The following PIAS1 variants were observed in gnomAD, a reference collection of about 807,000 sequenced individuals.
PIAS1 encodes the protein E3 SUMO-protein ligase PIAS1.
In PIAS1, 6 loss-of-function variants were observed where a neutral mutation model predicts 71.3. The observed-to-expected ratio is 0.08, with a 90% CI of 0.05 to 0.17. PIAS1 has a LOEUF of 0.17. Ranked by LOEUF, PIAS1 falls within the 10% of genes least tolerant of loss-of-function variation. The pLI, the probability that PIAS1 is intolerant of heterozygous loss-of-function variation, is 1.00. For synonymous variants in PIAS1, 303 were observed against 292.9 expected (o/e 1.03, Z -0.35); for missense variants, 555 against 793.6 (o/e 0.70, Z 3.61).
chr15:68,077,976 G>T (rs2140973352), intron 1 of PIAS1, among the ~76,000 whole-genome samples: 1 of 152,152 alleles, frequency 6.6e-6, no homozygotes, highest in South Asian at 2.1e-4. Flanking sequence ...CTTCTTTTAG[G>T]CTTTTCAGCT....
At chr15:68,077,248 A>G (rs2092176536) in intron 1 of PIAS1, among the ~76,000 whole-genome samples, 1 of 152,220 alleles carries the variant, frequency 6.6e-6, no homozygotes, top group Non-Finnish European at 1.5e-5. Context: ...TTGTTAGGTT[A>G]TATTGGTAAA....
At chr15:68,096,177 CT>C (rs2140992706) in intron 2 of PIAS1, among the ~76,000 whole-genome samples, 1 of 152,254 alleles carries the variant, frequency 6.6e-6, no homozygotes, top group East Asian at 1.9e-4. Flanking sequence ...TGAATAAAAA[CT>C]GAAGACTGTC....
intron 1 of PIAS1, among the ~76,000 whole-genome samples, chr15:68,075,889 A>T (rs542708247): frequency 6.7e-6 from 1 of 150,072 alleles, no homozygotes; most frequent in African/African-American, 2.5e-5. Context: ...TTCAAGTGCT[A>T]TTCCTGCCTC....
At chr15:68,128,502 G>A (rs1022388267) in intron 2 of PIAS1, among the ~76,000 whole-genome samples, 3 of 152,204 alleles carry the variant, frequency 2.0e-5, no homozygotes, top group Non-Finnish European at 2.9e-5. Context: ...TAGTGGGATT[G>A]GTTGTTGGCT....
intron 2 of PIAS1, among the ~76,000 whole-genome samples, chr15:68,103,186 C>G (rs2092442103): frequency 6.6e-6 from 1 of 152,132 alleles, no homozygotes; most frequent in African/African-American, 2.4e-5. Context: ...CTCGCCCACC[C>G]AAAGAGCTAG....
At chr15:68,096,570 T>C (rs1257440621) in intron 2 of PIAS1, among the ~76,000 whole-genome samples, 1 of 152,132 alleles carries the variant, frequency 6.6e-6, no homozygotes, top group East Asian at 1.9e-4. Context: ...CATTATCCTT[T>C]TTTTTATATT....
intron 2 of PIAS1, among the ~76,000 whole-genome samples, chr15:68,088,996 C>A (rs1172999207): frequency 6.6e-6 from 1 of 152,186 alleles, no homozygotes; most frequent in South Asian, 2.1e-4. Flanking sequence ...GTTTCGAACA[C>A]CAGCTGGCTA....
rs527678638 is a variant in PIAS1 at position 68,085,807 on chromosome 15, A to G, written c.25-499A>G. 2.6e-5 allele frequency among the ~76,000 whole-genome samples: 4 copies of G among 152,370 alleles called. No homozygotes were observed. In the South Asian group the frequency reaches 8.3e-4, roughly 32 times the overall value. ...AGTCTACAAATTCCAGAGTTAGTAC[A>G]GAATGTAAGTAACACTTGATAATAG... On this transcript the variant is annotated intron_variant, in intron 1 of 13. Transcript: ENST00000249636.
At chr15:68,129,801 AC>A (rs1366722263) in intron 2 of PIAS1, among the ~76,000 whole-genome samples, 3 of 41,534 alleles carry the variant, frequency 7.2e-5, no homozygotes, top group African/African-American at 1.5e-4. Context: ...ATTTACACAC[AC>A]ACACACACAC....
chr15:68,143,400 G>A (rs2092785908), intron 4 of PIAS1, among the ~76,000 whole-genome samples: 1 of 152,096 alleles, frequency 6.6e-6, no homozygotes, highest in East Asian at 1.9e-4. Context: ...GGTAAAAACA[G>A]TGAGAAAGCA....
intron 13 of PIAS1, chr15:68,184,692 G>T (rs761450834): frequency 1.2e-4 from 18 of 152,306 alleles, no homozygotes; most frequent in Non-Finnish European, 2.2e-4. Context: ...AAGATTACTT[G>T]CCAGACAAAT....
chr15:68,075,264 T>G (rs2092149409), intron 1 of PIAS1, among the ~76,000 whole-genome samples: 1 of 151,698 alleles, frequency 6.6e-6, no homozygotes, highest in Admixed American at 6.6e-5. Context: ...TTTTGTATTT[T>G]TAGTAGAGAT....
chr15:68,135,097 T>C (rs1424754720), intron 2 of PIAS1, among the ~76,000 whole-genome samples: 1 of 41,904 alleles, frequency 2.4e-5, no homozygotes. Flanking sequence ...GGCGGGGGGC[T>C]GACCCCCCCA....
intron 2 of PIAS1, among the ~76,000 whole-genome samples, chr15:68,110,820 G>A (rs913019493): frequency 2.0e-5 from 3 of 152,118 alleles, no homozygotes; most frequent in African/African-American, 7.2e-5. Flanking sequence ...GGGGTGTGAC[G>A]GGAAGAGGAG....
intron 13 of PIAS1, chr15:68,183,935 TAAAC>T (rs761571410): frequency 4.9e-4 from 116 of 236,564 alleles, no homozygotes; most frequent in Middle Eastern, 1.3e-3. Flanking sequence ...ATAACGATAA[TAAAC>T]AACTCTGTTA....
intron 11 of PIAS1, among the ~76,000 whole-genome samples, chr15:68,179,783 G>C (rs1055159011): frequency 6.6e-6 from 1 of 151,394 alleles, no homozygotes; most frequent in East Asian, 2.0e-4. Context: ...TCTCCCTGTT[G>C]GTGAGGCTGG....
At position 68,106,912 on chromosome 15, in the gene PIAS1, G is replaced by A. The variant is rs890310515; in HGVS notation, c.469+20162G>A. ...GTTTCTTTGGTTGAACACAGATGAT[G>A]TTGGGTTATATTTAGGGGCCACATA... is the stretch of plus-strand genomic sequence containing the variant. On this transcript the variant is annotated intron_variant, in intron 2 of 13. Coordinates refer to ENST00000249636, the MANE Select transcript of PIAS1 (RefSeq NM_016166.3). Among the ~76,000 whole-genome samples, 6 of 152,270 alleles carry A rather than the reference G, an allele frequency of 3.9e-5. No homozygotes were observed. In the East Asian group the frequency reaches 1.2e-3, roughly 29 times the overall value.
chr15:68,070,963 C>T (rs1567026932), intron 1 of PIAS1, among the ~76,000 whole-genome samples: 2 of 151,838 alleles, frequency 1.3e-5, no homozygotes, highest in Non-Finnish European at 2.9e-5. Flanking sequence ...TTTAAAATTA[C>T]GTGTGTGTCT....
intron 2 of PIAS1, among the ~76,000 whole-genome samples, chr15:68,108,693 G>A (rs968753938): frequency 1.3e-5 from 2 of 152,042 alleles, no homozygotes; most frequent in African/African-American, 4.8e-5. Flanking sequence ...TCTACCCTCA[G>A]TATTCTCCCT....
Sources: gnomAD v4.1 joint callset for allele counts (sites outside exome capture counted in the v4.1 genomes callset) on GRCh38, gnomAD v4.1.1 for gene constraint, MANE v1.5 for transcripts, NCBI Gene and HGNC (gene_info 2026-07-23, HGNC 2026-07-21) for gene names.